CTIF: variants seen among roughly 807,000 people sequenced by gnomAD.
CTIF encodes the protein cap binding complex dependent translation initiation factor, also known as CBP80/20-dependent translation initiation factor.
Under a neutral mutation model 66.0 loss-of-function variants are expected in CTIF, and 21 were observed. The ratio of observed to expected loss-of-function variants is 0.32; its 90% confidence interval spans 0.23 to 0.46. CTIF has a LOEUF of 0.46. CTIF is among the 20% of genes least tolerant of loss of function. The pLI is 1.00. For missense variants in CTIF, 739 were observed against 812.7 expected, an observed-to-expected ratio of 0.91 and a Z score of 1.10; for synonymous variants, 345 against 326.4, an observed-to-expected ratio of 1.06 and a Z score of -0.62.
At chr18:48,816,635 T>G (rs1389107384) in intron 9 of CTIF, among the ~76,000 whole-genome samples, 1 of 152,108 alleles carries the variant, frequency 6.6e-6, no homozygotes, top group Non-Finnish European at 1.5e-5. Flanking sequence ...TGTCACACAA[T>G]GGGGCAATAA....
intron 9 of CTIF, among the ~76,000 whole-genome samples, chr18:48,765,988 A>G (rs1909493130): frequency 6.8e-6 from 1 of 147,384 alleles, no homozygotes; most frequent in Admixed American, 6.9e-5. Context: ...GTTTTAGGGT[A>G]CATGTGCACA....
rs551291659 is a variant in CTIF at position 48,563,203 on chromosome 18, C to A, written c.-29+23891C>A. The stretch of plus-strand genomic sequence containing the variant: ...CCATTCCCATAAGGGACTGGTTAGT[C>A]TGCAGGGATGACACCCAGCCTCCTC... On this transcript the variant is annotated intron_variant, in intron 1 of 11. Coordinates refer to ENST00000256413, the MANE Select transcript of CTIF (RefSeq NM_014772.3). Among the ~76,000 whole-genome samples the A allele has an allele frequency of 4.6e-5, 7 of 152,344 alleles. No individual in the cohort carries two copies. The South Asian group carries it at 8.3e-4, about 18-fold the overall frequency.
chr18:48,677,262 C>T (rs1315141083), intron 6 of CTIF, among the ~76,000 whole-genome samples: 1 of 152,182 alleles, frequency 6.6e-6, no homozygotes, highest in Non-Finnish European at 1.5e-5. Flanking sequence ...GACTGTTGCT[C>T]CATGTCACCC....
chr18:48,704,609 A>G (rs929482937), intron 6 of CTIF, among the ~76,000 whole-genome samples: 8 of 152,138 alleles, frequency 5.3e-5, no homozygotes, highest in Admixed American at 1.3e-4. Flanking sequence ...GGGAAGGACC[A>G]TCGCTCCCTT....
intron 7 of CTIF, among the ~76,000 whole-genome samples, chr18:48,750,274 C>A (rs971720126): frequency 6.6e-6 from 1 of 152,220 alleles, no homozygotes; most frequent in African/African-American, 2.4e-5. Flanking sequence ...TTGGCCAAAG[C>A]TGCACAGCAA....
At chr18:48,626,942 C>T (rs1433564128) in intron 2 of CTIF, among the ~76,000 whole-genome samples, 2 of 152,142 alleles carry the variant, frequency 1.3e-5, no homozygotes, top group African/African-American at 4.8e-5. Flanking sequence ...CAGGCGTGAG[C>T]CACTGTGCCT....
At chr18:48,793,336 T>G (rs958199890) in intron 9 of CTIF, among the ~76,000 whole-genome samples, 21 of 152,244 alleles carry the variant, frequency 1.4e-4, no homozygotes, top group Non-Finnish European at 2.6e-4. Flanking sequence ...TATCATTTTA[T>G]TCCTTGGTAA....
At chr18:48,629,636 CAAAAA>C (rs377481318) in intron 2 of CTIF, among the ~76,000 whole-genome samples, 1 of 134,858 alleles carries the variant, frequency 7.4e-6, no homozygotes, top group African/African-American at 2.7e-5. Context: ...TTGTTTAGAG[CAAAAA>C]AAAAAAAAAA....
chr18:48,606,490 C>T (rs1188474545), intron 1 of CTIF, among the ~76,000 whole-genome samples: 1 of 152,212 alleles, frequency 6.6e-6, no homozygotes, highest in Non-Finnish European at 1.5e-5. Flanking sequence ...AAGGACAATG[C>T]TGAGCTGTGC....
chr18:48,667,467 G>A (rs2091456505), intron 5 of CTIF, among the ~76,000 whole-genome samples: 1 of 152,138 alleles, frequency 6.6e-6, no homozygotes, highest in South Asian at 2.1e-4. Context: ...ACGTCAGTGG[G>A]GACACTGAGG....
intron 9 of CTIF, among the ~76,000 whole-genome samples, chr18:48,781,009 G>C (rs1262896011): frequency 1.3e-5 from 2 of 152,200 alleles, no homozygotes; most frequent in African/African-American, 2.4e-5. Flanking sequence ...TTTGCTGGGG[G>C]AGTCACAGAA....
In CTIF at chr18:48,664,447, T is replaced by C; in HGVS notation, c.327T>C (p.Ser109=). The C allele has an allele frequency of 6.2e-7, 1 of 1,613,250 alleles. No individual in the cohort carries two copies. The highest frequency in any genetic ancestry group is 2.2e-5 in the East Asian group (1 of 44,880). ...TTTCTCACCCTCCCTCGCCCTCTAG[T>C]GGTGCCACCTGGGACCTGCAGCCGG... ...IWAANTFDSF[S]GATWDLQPEK... Residue 109 remains serine (S), a splice_region_variant and synonymous_variant, in exon 5 of 12, where the codon AGT becomes AGC. Transcript: ENST00000256413.
At chr18:48,759,717 T>C (rs1401051167) in intron 8 of CTIF, among the ~76,000 whole-genome samples, 1 of 152,244 alleles carries the variant, frequency 6.6e-6, no homozygotes, top group Admixed American at 6.5e-5. Context: ...TGTACAGATA[T>C]GTTCTTGTGG....
intron 10 of CTIF, among the ~76,000 whole-genome samples, chr18:48,829,774 C>G (rs1033821513): frequency 3.9e-5 from 6 of 152,358 alleles, no homozygotes; most frequent in South Asian, 2.1e-4. Context: ...ACACAGCTCT[C>G]CAGGACCCCT....
At chr18:48,660,983 C>T (rs1267861931) in intron 3 of CTIF, among the ~76,000 whole-genome samples, 1 of 152,234 alleles carries the variant, frequency 6.6e-6, no homozygotes. Flanking sequence ...TCATTCTTGA[C>T]ATCCTAATCT....
At chr18:48,665,731 G>C (rs1474745127) in intron 5 of CTIF, among the ~76,000 whole-genome samples, 1 of 152,140 alleles carries the variant, frequency 6.6e-6, no homozygotes, top group East Asian at 1.9e-4. Context: ...AGTCATATGT[G>C]ACCTCTTGGG....
intron 10 of CTIF, among the ~76,000 whole-genome samples, chr18:48,837,916 C>G (rs2068849628): frequency 6.6e-6 from 1 of 152,158 alleles, no homozygotes; most frequent in African/African-American, 2.4e-5. Context: ...CCCACACCCT[C>G]CCTGGTGGGA....
intron 1 of CTIF, among the ~76,000 whole-genome samples, chr18:48,604,317 C>T (rs2090164287): frequency 6.6e-6 from 1 of 151,602 alleles, no homozygotes; most frequent in Non-Finnish European, 1.5e-5. Flanking sequence ...GCTGGGACTA[C>T]AGGCGCCTGC....
chr18:48,733,524 G>A (rs980117320), intron 7 of CTIF, among the ~76,000 whole-genome samples: 4 of 152,176 alleles, frequency 2.6e-5, no homozygotes, highest in African/African-American at 9.7e-5. Flanking sequence ...ACATCCTGTG[G>A]CTGGGGAGGA....
Sources: gnomAD v4.1 joint callset for allele counts (sites outside exome capture counted in the v4.1 genomes callset) on GRCh38, gnomAD v4.1.1 for gene constraint, MANE v1.5 for transcripts, NCBI Gene and HGNC (gene_info 2026-07-23, HGNC 2026-07-21) for gene names.